The following WDR27 variants were observed in gnomAD, a reference collection of about 807,000 sequenced individuals.
The protein encoded by WDR27 is WD repeat-containing protein 27.
In WDR27, 100 loss-of-function variants were observed where a neutral mutation model predicts 114.4. The observed-to-expected ratio is 0.87, with a 90% confidence interval of 0.74 to 1.03. The LOEUF (loss-of-function observed/expected upper bound fraction) is 1.03, where lower values mean the gene tolerates loss of function less well. Among genes scored for constraint, WDR27 ranks in the 50% least tolerant of loss-of-function variants. The pLI is 0.00. For synonymous variants in WDR27, 449 were observed against 423.1 expected (o/e 1.06, Z -0.75); for missense variants, 1,129 against 1,092.9 (o/e 1.03, Z -0.47).
the WDR27 span, among the ~76,000 whole-genome samples, chr6:169,428,814 TA>T: frequency 4.7e-3 from 717 of 152,310 alleles, 7 homozygotes; most frequent in East Asian, 0.03. Context: ...GGTTCTGGAC[TA>T]GCCTCTTCCT....
intron 25 of WDR27, among the ~76,000 whole-genome samples, chr6:169,539,274 C>A (rs1796563371): frequency 6.6e-6 from 1 of 152,200 alleles, no homozygotes; most frequent in African/African-American, 2.4e-5. Context: ...AGGGATCTCC[C>A]CCATCGCCCC....
At position 169,466,424 on chromosome 6, in the gene WDR27, G is replaced by A. The variant is rs187643696; in HGVS notation, c.2646-8790C>T. 6.6e-5 allele frequency among the ~76,000 whole-genome samples: 10 copies of A among 152,244 alleles called. No homozygotes were observed. In the East Asian group the frequency reaches 1.9e-3, roughly 29 times the overall value. On this transcript the variant is annotated intron_variant, in intron 25 of 25. Coordinates refer to ENST00000448612, the MANE Select transcript of WDR27 (RefSeq NM_182552.5). ...GAAGCAAACACGTCCTTCTTCACAT[G>A]TCAGCAAAAAGGAGAAGTACTGAGC... is the stretch of plus-strand genomic sequence containing the variant.
chr6:169,448,527 T>C, the WDR27 span, among the ~76,000 whole-genome samples: 1 of 152,078 alleles, frequency 6.6e-6, no homozygotes, highest in Non-Finnish European at 1.5e-5. Context: ...AGTGCCACAA[T>C]ACACAGAAGC....
chr6:169,639,718 C>G (rs563656602), intron 17 of WDR27, among the ~76,000 whole-genome samples: 9 of 152,298 alleles, frequency 5.9e-5, no homozygotes, highest in African/African-American at 2.2e-4. Flanking sequence ...CCACCTCATC[C>G]TACTCCCAGC....
At chr6:169,539,420 G>A (rs778095486) in intron 25 of WDR27, among the ~76,000 whole-genome samples, 5 of 152,224 alleles carry the variant, frequency 3.3e-5, no homozygotes, top group East Asian at 3.9e-4. Flanking sequence ...GCAGTCAGCC[G>A]TCTCTGTCAG....
intron 16 of WDR27, among the ~76,000 whole-genome samples, chr6:169,644,692 T>A (rs970966810): frequency 4.1e-5 from 6 of 145,634 alleles, no homozygotes; most frequent in African/African-American, 1.6e-4. Flanking sequence ...CTGTAGAAAA[T>A]CCTAGTTCAT....
chr6:169,665,611 C>A, intron 6 of WDR27, 55 bp from the exon 7 acceptor site: 1 of 1,521,964 alleles, frequency 6.6e-7, no homozygotes, highest in South Asian at 1.2e-5. Flanking sequence ...TACCAATTAA[C>A]CCGAGAACTG....
chr6:169,688,906 C>G lies in WDR27; in HGVS notation c.100G>C (p.Val34Leu). 6.2e-7 allele frequency: 1 copy of G among 1,613,942 alleles called. No individual in the cohort carries two copies. The highest frequency in any genetic ancestry group is 1.7e-4 in the Middle Eastern group (1 of 6,060). ...TCCTGCATGCTGCAAGCAAGCTGAA[C>G]ATGAGACACAGACTCCTTGGATTCA... ...LVESKESVSHVQLACSMQDCA... is the reference protein window; with the variant it reads ...LVESKESVSHLQLACSMQDCA... Residue 34 changes from valine (V) to leucine (L), a missense_variant, in exon 2 of 26, where the codon GTT becomes CTT. Transcript: ENST00000448612.
Position 169,644,010 on chromosome 6 carries a change from G to C in WDR27, c.1658-224C>G, listed in dbSNP as rs553857995. On this transcript the variant is annotated intron_variant, in intron 16 of 25. Coordinates refer to ENST00000448612, the MANE Select transcript of WDR27 (RefSeq NM_182552.5). ...TTCACAGGAGTCACACTGTTGAAAA[G>C]CCTAGTTCACAGGAGTCACACTGTA... 2.3e-3 allele frequency among the ~76,000 whole-genome samples: 345 copies of C among 150,558 alleles called. 5 individuals are homozygous for C. The highest frequency in any genetic ancestry group is 0.021 in the South Asian group (99 of 4,748).
intron 21 of WDR27, among the ~76,000 whole-genome samples, chr6:169,619,813 C>T (rs550314285): frequency 1.3e-5 from 2 of 152,268 alleles, no homozygotes; most frequent in Non-Finnish European, 2.9e-5. Context: ...GTGCTAGACT[C>T]TTAATCTGTT....
At chr6:169,505,711 A>G (rs1053402894) in intron 25 of WDR27, among the ~76,000 whole-genome samples, 5 of 152,246 alleles carry the variant, frequency 3.3e-5, no homozygotes, top group Non-Finnish European at 7.3e-5. Flanking sequence ...AAGTTTAAGA[A>G]GTGCTGGCAG....
At chr6:169,584,475 C>T (rs547545493) in intron 23 of WDR27, among the ~76,000 whole-genome samples, 8 of 152,302 alleles carry the variant, frequency 5.3e-5, no homozygotes, top group African/African-American at 1.4e-4. Flanking sequence ...TCTACTGTCA[C>T]TGTTCTCTAT....
chr6:169,445,380 C>T, the WDR27 span, among the ~76,000 whole-genome samples: 3 of 152,016 alleles, frequency 2.0e-5, no homozygotes, highest in South Asian at 4.2e-4. Flanking sequence ...GAGCCTGGAC[C>T]GCGAAGGTGT....
At chr6:169,654,278 G>T (rs1823406164) in intron 13 of WDR27, among the ~76,000 whole-genome samples, 1 of 152,128 alleles carries the variant, frequency 6.6e-6, no homozygotes, top group Non-Finnish European at 1.5e-5. Flanking sequence ...CAAGCATTCA[G>T]GTATAGAAAC....
At chr6:169,695,259 T>C (rs1251425480) in intron 1 of WDR27, among the ~76,000 whole-genome samples, 2 of 152,156 alleles carry the variant, frequency 1.3e-5, no homozygotes, top group South Asian at 2.1e-4. Context: ...TGGAAGCCAG[T>C]ACGGGTTGGT....
intron 23 of WDR27, among the ~76,000 whole-genome samples, chr6:169,597,347 T>C (rs1807012631): frequency 6.6e-6 from 1 of 152,164 alleles, no homozygotes; most frequent in African/African-American, 2.4e-5. Context: ...TTTTTTTTCT[T>C]GATTTTTTGC....
At chr6:169,682,258 C>T (rs1162207015) in intron 2 of WDR27, among the ~76,000 whole-genome samples, 1 of 152,174 alleles carries the variant, frequency 6.6e-6, no homozygotes, top group Non-Finnish European at 1.5e-5. Flanking sequence ...CAGTTCTGGC[C>T]CCTCTCACTG....
intron 22 of WDR27, among the ~76,000 whole-genome samples, chr6:169,613,200 G>A (rs150789834): frequency 3.3e-4 from 50 of 152,306 alleles, no homozygotes; most frequent in Admixed American, 1.2e-3. Flanking sequence ...CCTGCGTTAC[G>A]GGGGTGCTCG....
chr6:169,661,026 C>G (rs1173473718), intron 9 of WDR27, among the ~76,000 whole-genome samples: 1 of 152,102 alleles, frequency 6.6e-6, no homozygotes, highest in African/African-American at 2.4e-5. Flanking sequence ...CCCACGTGCG[C>G]CCCCTGGCCT....
Sources: gnomAD v4.1 joint callset for allele counts (sites outside exome capture counted in the v4.1 genomes callset) on GRCh38, gnomAD v4.1.1 for gene constraint, MANE v1.5 for transcripts, NCBI Gene and HGNC (gene_info 2026-07-23, HGNC 2026-07-21) for gene names.